The following NAV2 variants were observed in gnomAD, a reference collection of about 807,000 sequenced individuals.
NAV2 encodes the protein helicase, APC down-regulated 1.
A neutral mutation model predicts 223.2 loss-of-function variants in NAV2; 54 were observed. That is an observed-to-expected ratio of 0.24 (90% CI 0.19 to 0.30). The LOEUF (loss-of-function observed/expected upper bound fraction) is 0.30. Among genes scored for constraint, NAV2 ranks in the 10% least tolerant of loss-of-function variants. The pLI, the probability that NAV2 is intolerant of heterozygous loss-of-function variation, is 1.00. For synonymous variants in NAV2, 1,279 were observed against 1,239.3 expected (o/e 1.03, Z -0.67); for missense variants, 2,806 against 3,147.5 (o/e 0.89, Z 2.60).
chr11:19,860,158 C>G, intron 3 of NAV2, among the ~76,000 whole-genome samples: 1 of 143,046 alleles, frequency 7.0e-6, no homozygotes, highest in African/African-American at 2.7e-5. Context: ...GGGCGGCTGG[C>G]CAGGCGGGGG....
intron 4 of NAV2, among the ~76,000 whole-genome samples, chr11:19,870,287 A>G (rs2062397744): frequency 6.6e-6 from 1 of 152,046 alleles, no homozygotes; most frequent in Non-Finnish European, 1.5e-5. Flanking sequence ...GGAAGATGCA[A>G]ATTCCCATTC....
At chr11:19,989,357 G>A (rs1324672461) in intron 11 of NAV2, among the ~76,000 whole-genome samples, 6 of 152,160 alleles carry the variant, frequency 3.9e-5, no homozygotes, top group Admixed American at 2.0e-4. Flanking sequence ...GAAGGCTACA[G>A]CCCAAGAATG....
At position 19,439,939 on chromosome 11, in the gene NAV2, G is replaced by C. The variant is rs375666618; in HGVS notation, c.75+88912G>C. On this transcript the variant is annotated intron_variant, in intron 1 of 37. Coordinates refer to the NAV2 transcript ENST00000360655. ...GGATATTGAGAGTAACATACAAATT[G>C]GTTTAAAAAAATTAATTACAAGTAC... Among the ~76,000 whole-genome samples the C allele has an allele frequency of 2.7e-3, 408 of 152,058 alleles. 23 individuals are homozygous for C. In the South Asian group the frequency reaches 0.082, roughly 31 times the overall value.
chr11:19,650,667 A>C lies in NAV2; in HGVS notation c.76-181817A>C, dbSNP rs1362017621. Reference sequence around the variant, plus strand: ...TTCACAGTAGCCCCAAACTGGAAACAAGCCAAATATCCAACGACAAGTAAA... The same window carrying C: ...TTCACAGTAGCCCCAAACTGGAAACCAGCCAAATATCCAACGACAAGTAAA... On this transcript the variant is annotated intron_variant, in intron 1 of 37. Coordinates refer to the NAV2 transcript ENST00000360655. Among the ~76,000 whole-genome samples, 54 of 152,346 alleles carry C rather than the reference A, an allele frequency of 3.5e-4. 1 individual carries two copies. Among genetic ancestry groups the C allele is most frequent in the Non-Finnish European group, 1.0e-4 (7 of 68,038 alleles).
rs77961050 is a variant in NAV2, at chr11:20,105,389, T to G, written c.6645-142T>G. ...TGAGTTAATACATAGTTACAATGTT[T>G]AGAAGAGTGTTCGGTGCATAGCTAA... On this transcript the variant is annotated intron_variant, in intron 34 of 37. Transcript: ENST00000349880. The G allele has an allele frequency of 9.2e-4, 588 of 640,080 alleles. 4 individuals are homozygous for G. In the African/African-American group the frequency reaches 9.8e-3, roughly 11 times the overall value. 39.7% of individuals were successfully genotyped at this position (640,080 alleles called of 1,614,324 possible).
intron 6 of NAV2, among the ~76,000 whole-genome samples, chr11:19,909,744 G>A (rs1307634599): frequency 7.9e-5 from 12 of 152,114 alleles, no homozygotes; most frequent in Admixed American, 7.9e-4. Flanking sequence ...TCAAAAGCCT[G>A]CCATAGGGTT....
intron 6 of NAV2, among the ~76,000 whole-genome samples, chr11:19,919,937 C>A (rs1328556927): frequency 6.6e-6 from 1 of 152,070 alleles, no homozygotes; most frequent in African/African-American, 2.4e-5. Flanking sequence ...GGTTCGAGAC[C>A]AGCCTGGACA....
intron 1 of NAV2, among the ~76,000 whole-genome samples, chr11:19,607,862 T>G (rs1195127687): frequency 6.6e-6 from 1 of 152,230 alleles, no homozygotes; most frequent in African/African-American, 2.4e-5. Flanking sequence ...ACAAGATAAC[T>G]GACCACAGAA....
At chr11:19,358,564 G>A (rs1028916530) in intron 1 of NAV2, among the ~76,000 whole-genome samples, 7 of 152,198 alleles carry the variant, frequency 4.6e-5, no homozygotes, top group Non-Finnish European at 8.8e-5. Context: ...TGAGGTCACA[G>A]TGAGACTTGA....
chr11:19,892,098 A>G (rs2041546844), intron 5 of NAV2, among the ~76,000 whole-genome samples: 1 of 152,192 alleles, frequency 6.6e-6, no homozygotes, highest in South Asian at 2.1e-4. Flanking sequence ...AGCTGGGATT[A>G]TAGGTGCCCA....
intron 17 of NAV2, among the ~76,000 whole-genome samples, chr11:20,051,826 A>G (rs1052912639): frequency 6.6e-6 from 1 of 152,212 alleles, no homozygotes; most frequent in South Asian, 2.1e-4. Flanking sequence ...GCCCTTGTCT[A>G]AATATTCTAA....
At chr11:20,082,439 T>C (rs1592050816) in intron 25 of NAV2, among the ~76,000 whole-genome samples, 1 of 152,206 alleles carries the variant, frequency 6.6e-6, no homozygotes, top group Admixed American at 6.5e-5. Flanking sequence ...TAAAGATTTG[T>C]GTTCCTACTG....
intron 1 of NAV2, among the ~76,000 whole-genome samples, chr11:19,722,849 G>C (rs1263826795): frequency 6.6e-6 from 1 of 152,224 alleles, no homozygotes; most frequent in South Asian, 2.1e-4. Context: ...CCTGAACACT[G>C]TCTGGAGCCA....
chr11:19,867,612 AG>A (rs982358210), intron 3 of NAV2, among the ~76,000 whole-genome samples: 2 of 118,496 alleles, frequency 1.7e-5, no homozygotes, highest in Non-Finnish European at 3.5e-5. Flanking sequence ...TCTAGAGATG[AG>A]AAAATGTCTT....
intron 1 of NAV2, among the ~76,000 whole-genome samples, chr11:19,795,409 A>T (rs1590587938): frequency 1.3e-5 from 2 of 152,342 alleles, no homozygotes; most frequent in Admixed American, 1.3e-4. Flanking sequence ...CTTCAAATTG[A>T]CTACCTAATC....
At chr11:20,071,183 A>G (rs1011445567) in intron 22 of NAV2, among the ~76,000 whole-genome samples, 1 of 141,900 alleles carries the variant, frequency 7.0e-6, no homozygotes, top group South Asian at 2.2e-4. Context: ...TCATTGTTCA[A>G]CTCCCACTTA....
chr11:19,971,517 A>C (rs2049242502), intron 10 of NAV2, among the ~76,000 whole-genome samples: 1 of 152,112 alleles, frequency 6.6e-6, no homozygotes. Context: ...CCCCCCGGTA[A>C]CACCCCAGCC....
intron 1 of NAV2, among the ~76,000 whole-genome samples, chr11:19,824,929 A>C (rs953897873): frequency 2.0e-5 from 3 of 152,194 alleles, no homozygotes; most frequent in African/African-American, 7.2e-5. Context: ...CTATTGTTGC[A>C]AAATCATTTT....
chr11:19,994,069 G>C (rs867792237), intron 11 of NAV2, among the ~76,000 whole-genome samples: 1 of 152,172 alleles, frequency 6.6e-6, no homozygotes, highest in African/African-American at 2.4e-5. Flanking sequence ...ATCGGGGACT[G>C]CATATGGTCC....
Sources: allele counts gnomAD v4.1 joint callset (sites outside exome capture counted in the v4.1 genomes callset), GRCh38; gene constraint gnomAD v4.1.1; transcripts MANE v1.5; gene names NCBI Gene and HGNC (gene_info 2026-07-23, HGNC 2026-07-21).